The following GCLC variants were observed in gnomAD, a reference collection of about 807,000 sequenced individuals.
GCLC encodes glutamate-cysteine ligase catalytic subunit.
A neutral mutation model predicts 81.5 loss-of-function variants in GCLC; 30 were observed. That is an observed-to-expected ratio of 0.37 (90% CI 0.28 to 0.50). The LOEUF (loss-of-function observed/expected upper bound fraction) is 0.50. GCLC is among the 20% of genes least tolerant of loss of function. GCLC has a pLI of 0.96. For synonymous variants in GCLC, 262 were observed against 273.3 expected, an observed-to-expected ratio of 0.96 and a Z score of 0.41; for missense variants, 556 against 777.4, an observed-to-expected ratio of 0.72 and a Z score of 3.39.
In GCLC at chr6:53,543,051, C is replaced by T. The variant is rs561740010; in HGVS notation, c.150+1445G>A. 1.5e-4 allele frequency among the ~76,000 whole-genome samples: 23 copies of T among 152,268 alleles called. No individual in the cohort carries two copies. The South Asian group carries it at 4.8e-3, about 32-fold the overall frequency. Reference sequence around the variant, plus strand: ...CAAAAAAATGTCAAACTTTGAACTGCTCTACAATGACTAGTTACCATACAG... The same window carrying T: ...CAAAAAAATGTCAAACTTTGAACTGTTCTACAATGACTAGTTACCATACAG... On this transcript the variant is annotated intron_variant, in intron 1 of 15. Transcript: ENST00000650454.
At chr6:53,543,002 C>T (rs1763386175) in intron 1 of GCLC, among the ~76,000 whole-genome samples, 1 of 151,968 alleles carries the variant, frequency 6.6e-6, no homozygotes, top group African/African-American at 2.4e-5. Context: ...GAGCAAGATT[C>T]TGTCTCAAAA....
rs1386303293 is a variant in GCLC at position 53,514,449 on chromosome 6, G to A, written c.609C>T (p.Ile203=). The change falls in exon 5 of 16, where the codon ATC becomes ATT. Residue 203 remains isoleucine (I), a synonymous_variant. Transcript: ENST00000650454. ...TCTCAGTAGACTTACTTGGTACATT[G>A]ATGACAACCTTTTCTCCTCTCCTAT... ...IRHRRGEKVV[I]NVPIFKDKNT... is the part of the protein sequence containing the mutation. 1.2e-6 allele frequency: 2 copies of A among 1,612,308 alleles called. No individual in the cohort carries two copies. Among genetic ancestry groups the A allele is most frequent in the Admixed American group, 1.7e-5 (1 of 60,018 alleles).
Position 53,505,880 on chromosome 6 carries a change from T to C in GCLC, c.1213A>G (p.Asn405Asp), listed in dbSNP as rs1186479075. Residue 405 changes from asparagine to aspartate, a missense_variant, in exon 11 of 16, where the codon AAT becomes GAT. This residue lies in a region of GCLC where 313 missense variants were observed against 437.3 expected (regional missense o/e 0.72). Transcript: ENST00000650454. ...GGCTTAAATCTCATTGTCTGCCAAT[T>C]TGTGGACTGAATATTCTGTGATACA... is the stretch of plus-strand genomic sequence containing the variant. ...SDHFENIQSTNWQTMRFKPPP... is the reference protein window; with the variant it reads ...SDHFENIQSTDWQTMRFKPPP... 3 of 1,604,510 alleles carry C rather than the reference T, an allele frequency of 1.9e-6. No individual in the cohort carries two copies. Among genetic ancestry groups the C allele is most frequent in the African/African-American group, 2.7e-5 (2 of 74,698 alleles).
intron 1 of GCLC, among the ~76,000 whole-genome samples, chr6:53,528,761 A>G (rs1763125083): frequency 6.6e-6 from 1 of 152,234 alleles, no homozygotes; most frequent in Non-Finnish European, 1.5e-5. Context: ...TTTATAACAC[A>G]TTAATCTCAA....
intron 1 of GCLC, among the ~76,000 whole-genome samples, chr6:53,533,451 T>C (rs1446116244): frequency 6.6e-6 from 1 of 152,194 alleles, no homozygotes; most frequent in African/African-American, 2.4e-5. Context: ...TCATTCTTCC[T>C]ACACACAGCA....
chr6:53,509,085 G>T, intron 7 of GCLC, 91 bp downstream of exon 7: 1 of 808,756 alleles, frequency 1.2e-6, no homozygotes, highest in Non-Finnish European at 2.2e-6. Flanking sequence ...GGTCTTAACT[G>T]GACTTAAATA....
At chr6:53,517,935 A>G (rs1243798949) in intron 3 of GCLC, among the ~76,000 whole-genome samples, 1 of 152,176 alleles carries the variant, frequency 6.6e-6, no homozygotes, top group Admixed American at 6.6e-5. Flanking sequence ...ACTGTTTTGG[A>G]CTAGAGTTCC....
At chr6:53,505,717 G>C in intron 11 of GCLC, 86 bp downstream of exon 11, 1 of 848,718 alleles carries the variant, frequency 1.2e-6, no homozygotes, top group South Asian at 1.3e-5. Context: ...ATATATAAGA[G>C]CCTTCTCATA....
intron 3 of GCLC, 135 bp from the exon 4 acceptor site, chr6:53,516,357 A>G: frequency 1.5e-6 from 1 of 685,988 alleles, no homozygotes; most frequent in Non-Finnish European, 2.7e-6. Context: ...TGTTTACAAA[A>G]CAGATGTTGT....
intron 9 of GCLC, 144 bp from the exon 10 acceptor site, chr6:53,507,169 C>T (rs1764631659): frequency 4.2e-6 from 3 of 714,402 alleles, no homozygotes; most frequent in Non-Finnish European, 7.8e-6. Context: ...AGTATCCTCA[C>T]CTCACCCAGT....
chr6:53,524,912 A>G (rs1208286046), intron 1 of GCLC, among the ~76,000 whole-genome samples: 2 of 152,236 alleles, frequency 1.3e-5, no homozygotes, highest in African/African-American at 2.4e-5. Context: ...AAAAGAACAA[A>G]AAGTTAAAGC....
chr6:53,498,976 G>T lies in GCLC; in HGVS notation c.1703-9C>A. The T allele has an allele frequency of 6.3e-7, 1 of 1,590,788 alleles. No homozygotes were observed. Among genetic ancestry groups the T allele is most frequent in the Non-Finnish European group, 8.6e-7 (1 of 1,160,046 alleles). On this transcript the variant is annotated splice_polypyrimidine_tract_variant and intron_variant, in intron 15 of 15. Transcript: ENST00000650454. ...AACTGTCATTAGTTCTCCTGTGGGC[G>T]AGGGGGGAGCGAAAAAAAAATTAAA...
At chr6:53,544,413 G>A in intron 1 of GCLC, 83 bp downstream of exon 1, 2 of 1,455,314 alleles carry the variant, frequency 1.4e-6, no homozygotes, top group South Asian at 1.2e-5. Flanking sequence ...ACCGCGATAG[G>A]GCCGGGGGCG....
rs1764739297 is a variant in GCLC, at chr6:53,511,450, C to CT, written c.754-2201dup. Among the ~76,000 whole-genome samples, 2 of 152,026 alleles carry CT rather than the reference C, an allele frequency of 1.3e-5. 1 individual carries two copies. Among genetic ancestry groups the CT allele is most frequent in the African/African-American group, 4.8e-5 (2 of 41,398 alleles). The stretch of plus-strand genomic sequence containing the variant: ...TGTCATTTTTGTTTTTAAAAAGATA[C>CT]TATGAGAAGCAGGTTTTCTTTCCAG... On this transcript the variant is annotated intron_variant, in intron 6 of 15. Transcript: ENST00000650454.
In GCLC at chr6:53,514,272, T is replaced by C; in HGVS notation, c.685A>G (p.Arg229Gly). 6.2e-7 allele frequency: 1 copy of C among 1,610,088 alleles called. No homozygotes were observed. Among genetic ancestry groups the C allele is most frequent in the Non-Finnish European group, 8.5e-7 (1 of 1,176,352 alleles). Residue 229 changes from arginine (R) to glycine (G), a missense_variant, in exon 6 of 16, where the codon AGG (arginine) becomes GGG (glycine). This residue lies in a region of GCLC where 234 missense variants were observed against 303.8 expected (regional missense o/e 0.77). Coordinates refer to ENST00000650454, the MANE Select transcript of GCLC (RefSeq NM_001498.4). ...ETFTEDDEAS[R>G]ASKPDHIYMD... ...TAAATATGATCCGGCTTAGAAGCCC[T>C]TGAAGCTTCATCATCCTCAGTAAAT...
chr6:53,543,481 T>C (rs1472692303), intron 1 of GCLC, among the ~76,000 whole-genome samples: 3 of 151,434 alleles, frequency 2.0e-5, no homozygotes, highest in African/African-American at 7.3e-5. Context: ...AAAGGAGATA[T>C]TCTGCACTGG....
intron 6 of GCLC, chr6:53,509,508 C>CA (rs1443964746): frequency 1.8e-6 from 1 of 560,616 alleles, no homozygotes; most frequent in Non-Finnish European, 3.2e-6. Flanking sequence ...ATTAAATAGT[C>CA]AAAAAAGAAA....
chr6:53,501,825 C>A (rs1307817680), intron 12 of GCLC, among the ~76,000 whole-genome samples: 1 of 152,068 alleles, frequency 6.6e-6, no homozygotes, highest in Non-Finnish European at 1.5e-5. Flanking sequence ...TCATAACGAC[C>A]ACTTATAATT....
rs767494176 is a variant in GCLC at position 53,509,780 on chromosome 6, C to A, written c.754-530G>T. On this transcript the variant is annotated intron_variant, in intron 6 of 15. Transcript: ENST00000650454. ...TCTTCCGCCTCAGCCTCCCGAGTAG[C>A]TGGGACTACAGGTGCCCACCACCAC... 71 of 170,626 alleles carry A rather than the reference C, an allele frequency of 4.2e-4. 1 individual carries two copies. Among genetic ancestry groups the A allele is most frequent in the Non-Finnish European group, 8.4e-4 (67 of 79,390 alleles). 10.6% of individuals were successfully genotyped at this position (170,626 alleles called of 1,614,324 possible).
Sources: gnomAD v4.1 joint callset for allele counts (sites outside exome capture counted in the v4.1 genomes callset) on GRCh38, gnomAD v4.1.1 for gene constraint, gnomAD v4.1.1 regional missense constraint, MANE v1.5 for transcripts, NCBI Gene and HGNC (gene_info 2026-07-23, HGNC 2026-07-21) for gene names.